The following RBFOX1 variants were observed in gnomAD, a reference collection of about 807,000 sequenced individuals.
RBFOX1 encodes the protein RNA binding protein fox-1 homolog 1.
Under a neutral mutation model 57.7 loss-of-function variants are expected in RBFOX1, and 8 were observed. The ratio of observed to expected loss-of-function variants is 0.14; its 90% CI spans 0.08 to 0.25. RBFOX1 has a LOEUF of 0.25. Ranked by LOEUF, RBFOX1 falls within the 10% of genes least tolerant of loss-of-function variation. The probability of loss-of-function intolerance (pLI) is 1.00; values close to 1 mark genes in which losing one functional copy is unlikely to be tolerated. For synonymous variants in RBFOX1, 326 were observed against 222.4 expected (o/e 1.47, Z -4.15); for missense variants, 611 against 548.5 (o/e 1.11, Z -1.14).
At chr16:7,686,634 A>C (rs939065014) in intron 14 of RBFOX1, among the ~76,000 whole-genome samples, 2 of 152,126 alleles carry the variant, frequency 1.3e-5, no homozygotes, top group Non-Finnish European at 2.9e-5. Flanking sequence ...TTCTCATTCA[A>C]CTTGCACAAA....
intron 3 of RBFOX1, among the ~76,000 whole-genome samples, chr16:6,978,207 C>G (rs1444590178): frequency 6.6e-6 from 1 of 152,162 alleles, no homozygotes; most frequent in Non-Finnish European, 1.5e-5. Flanking sequence ...CCCTCGGTTG[C>G]AGTTCGAAAT....
rs567553377 is a variant in RBFOX1 at position 7,573,914 on chromosome 16, G to C, written c.271-5863G>C. Among the ~76,000 whole-genome samples the C allele has an allele frequency of 3.9e-5, 6 of 152,118 alleles. No individual in the cohort carries two copies. In the East Asian group the frequency reaches 1.2e-3, roughly 29 times the overall value. On this transcript the variant is annotated intron_variant, in intron 5 of 15. Transcript: ENST00000550418. ...TAAGCTTTGATGTGCTACAGCTTTA[G>C]GAACTATAACTATGAATTCCGTAGC...
chr16:5,730,687 A>G (rs1013360462), intron 3 of RBFOX1, among the ~76,000 whole-genome samples: 1 of 151,694 alleles, frequency 6.6e-6, no homozygotes, highest in African/African-American at 2.4e-5. Context: ...CACCAATGTC[A>G]CCACCATCAT....
intron 2 of RBFOX1, among the ~76,000 whole-genome samples, chr16:6,413,678 G>C (rs1223756114): frequency 6.6e-6 from 1 of 152,168 alleles, no homozygotes. Context: ...CATTTTGTTG[G>C]AAGAAATCCA....
chr16:5,846,504 G>A (rs2056761291), intron 3 of RBFOX1, among the ~76,000 whole-genome samples: 1 of 152,112 alleles, frequency 6.6e-6, no homozygotes, highest in Non-Finnish European at 1.5e-5. Context: ...CCCCAAGGAG[G>A]AAGATTTTCT....
chr16:6,894,184 T>G (rs1185795525), intron 3 of RBFOX1, among the ~76,000 whole-genome samples: 1 of 152,206 alleles, frequency 6.6e-6, no homozygotes, highest in African/African-American at 2.4e-5. Flanking sequence ...TGTCTGTCCT[T>G]TTTATTCAAA....
intron 14 of RBFOX1, among the ~76,000 whole-genome samples, chr16:7,693,750 A>G (rs1161995609): frequency 1.3e-5 from 2 of 152,074 alleles, no homozygotes; most frequent in Non-Finnish European, 1.5e-5. Context: ...GTTCATAGAG[A>G]CTGATGTGTG....
At chr16:6,936,294 G>A (rs985018617) in intron 3 of RBFOX1, among the ~76,000 whole-genome samples, 8 of 152,144 alleles carry the variant, frequency 5.3e-5, no homozygotes, top group Non-Finnish European at 7.4e-5. Flanking sequence ...GTTTTATGCC[G>A]TTAAGTTTGT....
At chr16:7,249,115 G>A (rs1009413841) in intron 4 of RBFOX1, among the ~76,000 whole-genome samples, 1 of 152,100 alleles carries the variant, frequency 6.6e-6, no homozygotes, top group Admixed American at 6.5e-5. Flanking sequence ...AATGGGAGAG[G>A]GAAAGGAAGG....
At chr16:6,007,390 A>G (rs2094933998) in intron 4 of RBFOX1, among the ~76,000 whole-genome samples, 2 of 152,214 alleles carry the variant, frequency 1.3e-5, no homozygotes, top group South Asian at 4.1e-4. Flanking sequence ...GAAGCCCCCA[A>G]GGAACTGAAT....
intron 3 of RBFOX1, among the ~76,000 whole-genome samples, chr16:6,808,565 G>A (rs1010260767): frequency 3.3e-5 from 5 of 151,924 alleles, no homozygotes; most frequent in African/African-American, 1.2e-4. Context: ...TGTCTGATGG[G>A]GAATAACTGC....
intron 4 of RBFOX1, among the ~76,000 whole-genome samples, chr16:7,254,325 T>A (rs969674457): frequency 2.0e-5 from 3 of 152,130 alleles, no homozygotes; most frequent in African/African-American, 7.2e-5. Flanking sequence ...GATTACTAAT[T>A]CAGCAGGAAG....
intron 2 of RBFOX1, among the ~76,000 whole-genome samples, chr16:6,530,084 A>T (rs2096635595): frequency 6.6e-6 from 1 of 152,188 alleles, no homozygotes; most frequent in South Asian, 2.1e-4. Flanking sequence ...TTCCCTTGTC[A>T]GTCAGACTTG....
At chr16:6,697,029 C>G (rs1233134638) in intron 3 of RBFOX1, among the ~76,000 whole-genome samples, 1 of 152,174 alleles carries the variant, frequency 6.6e-6, no homozygotes, top group Non-Finnish European at 1.5e-5. Flanking sequence ...AAAGCTTAGA[C>G]ATTTCAAACT....
intron 3 of RBFOX1, among the ~76,000 whole-genome samples, chr16:6,736,218 G>A (rs1411078429): frequency 6.6e-6 from 1 of 151,884 alleles, no homozygotes; most frequent in African/African-American, 2.4e-5. Flanking sequence ...GGTACAGTTG[G>A]TATTTGCATA....
At chr16:6,869,521 G>C (rs1478627931) in intron 3 of RBFOX1, among the ~76,000 whole-genome samples, 5 of 151,738 alleles carry the variant, frequency 3.3e-5, no homozygotes, top group Admixed American at 2.6e-4. Flanking sequence ...ACATATAAAA[G>C]GGTTTTATGA....
chr16:7,239,994 C>G (rs1023179577), intron 4 of RBFOX1, among the ~76,000 whole-genome samples: 2 of 152,086 alleles, frequency 1.3e-5, no homozygotes, highest in African/African-American at 2.4e-5. Flanking sequence ...TGAGACTGAG[C>G]CTAGCTCTGT....
At chr16:6,311,439 G>T (rs996358884) in intron 1 of RBFOX1, among the ~76,000 whole-genome samples, 1 of 152,160 alleles carries the variant, frequency 6.6e-6, no homozygotes, top group African/African-American at 2.4e-5. Flanking sequence ...CTGATGTGGG[G>T]ATGGGATGGG....
intron 4 of RBFOX1, among the ~76,000 whole-genome samples, chr16:7,400,761 T>G (rs1366125256): frequency 6.6e-6 from 1 of 152,168 alleles, no homozygotes; most frequent in Non-Finnish European, 1.5e-5. Context: ...TCCAGTCAAT[T>G]AAAAATGGAT....
Sources: allele counts gnomAD v4.1 joint callset (sites outside exome capture counted in the v4.1 genomes callset), GRCh38; gene constraint gnomAD v4.1.1; transcripts MANE v1.5; gene names NCBI Gene and HGNC (gene_info 2026-07-23, HGNC 2026-07-21).